Variants in PTPN2 observed in about 807,000 individuals in gnomAD.
PTPN2 encodes the protein protein tyrosine phosphatase non-receptor type 2, also known as tyrosine-protein phosphatase non-receptor type 2.
PTPN2 carries 19 observed loss-of-function variants against 57.3 expected under a neutral mutation model. The observed-to-expected ratio is 0.33, with a 90% CI of 0.23 to 0.49. The LOEUF (loss-of-function observed/expected upper bound fraction) is 0.49. PTPN2 is among the 20% of genes least tolerant of loss of function. PTPN2 has a pLI of 0.99. For synonymous variants in PTPN2, 153 were observed against 164.9 expected (o/e 0.93, Z 0.55); for missense variants, 358 against 501.1 (o/e 0.71, Z 2.73).
intron 1 of PTPN2, among the ~76,000 whole-genome samples, chr18:12,873,594 A>C (rs928298702): frequency 3.4e-4 from 51 of 152,108 alleles, no homozygotes; most frequent in Non-Finnish European, 6.6e-4. Context: ...TCAGTGCTCA[A>C]TGGTGCCCAG....
At chr18:12,794,625 C>T in intron 8 of PTPN2, 140 bp from the exon 9 acceptor site, 1 of 1,096,346 alleles carries the variant, frequency 9.1e-7, no homozygotes. Flanking sequence ...AGGGGAAAAG[C>T]CTCAATATTC....
intron 1 of PTPN2, among the ~76,000 whole-genome samples, chr18:12,872,788 C>T (rs1257038900): frequency 6.6e-6 from 1 of 152,224 alleles, no homozygotes; most frequent in Non-Finnish European, 1.5e-5. Flanking sequence ...GTCAAAACAA[C>T]TTCTTGAACC....
At chr18:12,826,887 G>A (rs1304950563) in intron 4 of PTPN2, among the ~76,000 whole-genome samples, 1 of 151,842 alleles carries the variant, frequency 6.6e-6, no homozygotes, top group South Asian at 2.1e-4. Context: ...TATTTTTTAA[G>A]TGTTCCTGTA....
chr18:12,870,440 T>TATATAC (rs1598886674), intron 1 of PTPN2, among the ~76,000 whole-genome samples: 6 of 25,966 alleles, frequency 2.3e-4, no homozygotes, highest in Non-Finnish European at 3.3e-4. Flanking sequence ...TATATATATG[T>TATATAC]GTATATATAT....
Position 12,814,207 on chromosome 18 carries a change from A to G in PTPN2, c.854T>C (p.Ile285Thr). The G allele has an allele frequency of 1.3e-6, 2 of 1,582,700 alleles. No homozygotes were observed. The highest frequency in any genetic ancestry group is 1.7e-6 in the Non-Finnish European group (2 of 1,157,442). Residue 285 changes from isoleucine to threonine, a missense_variant, in exon 7 of 9, where the codon ATA becomes ACA. Physicochemically the swap from Ile to Thr is moderately conservative, Grantham distance 89. Coordinates refer to ENST00000309660, the MANE Select transcript of PTPN2 (RefSeq NM_002828.4). Reference protein sequence around the residue: ...GAKCIKGDSSIQKRWKELSKE... With the variant: ...GAKCIKGDSSTQKRWKELSKE... The stretch of plus-strand genomic sequence containing the variant: ...TAAAACCTGTATGAAGTTTACCTGT[A>G]TACTAGAATCTCCCTTTATACATTT...
chr18:12,811,909 T>C (rs1021930184), intron 7 of PTPN2, among the ~76,000 whole-genome samples: 4 of 152,158 alleles, frequency 2.6e-5, no homozygotes, highest in Admixed American at 6.5e-5. Context: ...CCCCACACAA[T>C]GCCTAGAACC....
At chr18:12,868,207 T>C (rs78993738) in intron 1 of PTPN2, among the ~76,000 whole-genome samples, 6,349 of 152,262 alleles carry the variant, frequency 0.042, 443 homozygotes, top group African/African-American at 0.14. Flanking sequence ...TTAATAGTCC[T>C]GGGAAATTAC....
intron 8 of PTPN2, among the ~76,000 whole-genome samples, chr18:12,798,172 T>A (rs954926604): frequency 1.3e-5 from 2 of 152,142 alleles, no homozygotes; most frequent in African/African-American, 4.8e-5. Context: ...ACACACACAC[T>A]TACATAGGTA....
In PTPN2 at chr18:12,847,896, G is replaced by A. The variant is rs548670174; in HGVS notation, c.161-11005C>T. Among the ~76,000 whole-genome samples, 14 of 147,330 alleles carry A rather than the reference G, an allele frequency of 9.5e-5. No individual in the cohort carries two copies. In the South Asian group the frequency reaches 2.8e-3, roughly 29 times the overall value. ...TTACAGGCATAAGCCACTGCACTAG[G>A]CCAAAACTGAATATTTAAAAAAAAA... is the stretch of plus-strand genomic sequence containing the variant. On this transcript the variant is annotated intron_variant, in intron 2 of 8. Coordinates refer to ENST00000309660, the MANE Select transcript of PTPN2 (RefSeq NM_002828.4).
intron 1 of PTPN2, among the ~76,000 whole-genome samples, chr18:12,874,465 G>C (rs1411776795): frequency 1.4e-5 from 2 of 138,266 alleles, no homozygotes; most frequent in African/African-American, 5.4e-5. Flanking sequence ...GGGCGCCTCT[G>C]CCCGGCCGCC....
In PTPN2 at chr18:12,875,014, C is replaced by T. The variant is rs904397450; in HGVS notation, c.69+9059G>A. Among the ~76,000 whole-genome samples the T allele has an allele frequency of 2.0e-4, 31 of 152,204 alleles. 1 individual carries two copies. The highest frequency in any genetic ancestry group is 2.0e-3 in the Admixed American group (31 of 15,284). On this transcript the variant is annotated intron_variant, in intron 1 of 8. Transcript: ENST00000309660. ...GTTGATCTGTGACCTTACCCCCCAA[C>T]CCTGTGCTCTCTGAAACATGTGCTG... is the stretch of plus-strand genomic sequence containing the variant.
chr18:12,822,164 T>TGCAGAATGTAAACAG (rs11273652), intron 5 of PTPN2, among the ~76,000 whole-genome samples: 1 of 151,808 alleles, frequency 6.6e-6, no homozygotes, highest in Non-Finnish European at 1.5e-5. Flanking sequence ...ACTAAGGACG[T>TGCAGAATGTAAACAG]GCAGAGAAGA....
intron 6 of PTPN2, among the ~76,000 whole-genome samples, chr18:12,815,129 T>A (rs868480060): frequency 2.4e-5 from 3 of 125,524 alleles, no homozygotes; most frequent in Middle Eastern, 4.2e-3. Flanking sequence ...AATAAATAAA[T>A]AAATAAAAAT....
chr18:12,789,796 C>T (rs2040933616), downstream of PTPN2, among the ~76,000 whole-genome samples: 1 of 152,076 alleles, frequency 6.6e-6, no homozygotes, highest in Non-Finnish European at 1.5e-5. Flanking sequence ...TTTTAAAAAA[C>T]ATATATTTAT....
chr18:12,845,191 T>G (rs943436699), intron 2 of PTPN2, among the ~76,000 whole-genome samples: 1 of 152,202 alleles, frequency 6.6e-6, no homozygotes, highest in African/African-American at 2.4e-5. Context: ...ACAAAAAAAC[T>G]TCCTGAAATT....
At chr18:12,851,707 G>C (rs1235541709) in intron 2 of PTPN2, among the ~76,000 whole-genome samples, 1 of 152,160 alleles carries the variant, frequency 6.6e-6, no homozygotes, top group Non-Finnish European at 1.5e-5. Flanking sequence ...CATTTGCTAA[G>C]ATCATGCAGG....
At chr18:12,822,294 C>A (rs1568113299) in intron 5 of PTPN2, among the ~76,000 whole-genome samples, 1 of 152,102 alleles carries the variant, frequency 6.6e-6, no homozygotes, top group Non-Finnish European at 1.5e-5. Context: ...AAATAGAAGA[C>A]AGTCAGCATT....
intron 1 of PTPN2, among the ~76,000 whole-genome samples, chr18:12,874,867 A>C (rs963741182): frequency 6.6e-6 from 1 of 152,184 alleles, no homozygotes; most frequent in African/African-American, 2.4e-5. Context: ...AATAGAAAGC[A>C]GGGAAAGGTG....
At chr18:12,829,035 C>T (rs1278035629) in intron 4 of PTPN2, among the ~76,000 whole-genome samples, 1 of 152,132 alleles carries the variant, frequency 6.6e-6, no homozygotes, top group Non-Finnish European at 1.5e-5. Context: ...GTAGCTGGGA[C>T]TACAGGCATG....
Sources: gnomAD v4.1 joint callset for allele counts (sites outside exome capture counted in the v4.1 genomes callset) on GRCh38, gnomAD v4.1.1 for gene constraint, MANE v1.5 for transcripts, NCBI Gene and HGNC (gene_info 2026-07-23, HGNC 2026-07-21) for gene names.